Variants in ZNF695 observed in about 807,000 individuals in gnomAD.
ZNF695 encodes zinc finger protein SBZF3.
Under a neutral mutation model 11.2 loss-of-function variants are expected in ZNF695, and 11 were observed. The observed-to-expected ratio is 0.98, with a 90% confidence interval of 0.62 to 1.62. The LOEUF is 1.62. ZNF695 is among the 40% of genes most tolerant of loss of function. ZNF695 has a pLI of 0.00. For missense variants in ZNF695, 559 were observed against 590.5 expected, an observed-to-expected ratio of 0.95 and a Z score of 0.55; for synonymous variants, 190 against 201.4, an observed-to-expected ratio of 0.94 and a Z score of 0.48.
In ZNF695 at chr1:246,987,558, A is replaced by C. The variant is rs1668890767; in HGVS notation, c.957T>G (p.Ser319Arg). The change falls in exon 4 of 4, where the codon AGT becomes AGG. Residue 319 changes from serine to arginine, a missense_variant. Coordinates refer to ENST00000339986, the MANE Select transcript of ZNF695 (RefSeq NM_020394.5). Reference protein sequence around the residue: ...PYLTQHKRIHSREKPYKCEEC... With the variant: ...PYLTQHKRIHRREKPYKCEEC... The stretch of plus-strand genomic sequence containing the variant: ...CTTCACACTTGTAGGGTTTCTCTCT[A>C]CTATGAATTCTCTTGTGTTGAGTAA... The C allele has an allele frequency of 6.3e-7, 1 of 1,599,196 alleles. No individual in the cohort carries two copies. Among genetic ancestry groups the C allele is most frequent in the South Asian group, 1.1e-5 (1 of 88,476 alleles).
intron 3 of ZNF695, among the ~76,000 whole-genome samples, chr1:246,993,939 C>G (rs988121375): frequency 2.5e-4 from 38 of 150,886 alleles, no homozygotes; most frequent in African/African-American, 8.8e-4. Context: ...TTTGGGAGGC[C>G]AACGTGGGCG....
chr1:247,004,572 G>GT (rs1558322524), intron 1 of ZNF695, among the ~76,000 whole-genome samples: 2 of 152,258 alleles, frequency 1.3e-5, no homozygotes, highest in African/African-American at 4.8e-5. Flanking sequence ...ACTTAGTACT[G>GT]TAAGTCCTAA....
In ZNF695 at chr1:247,000,065, C is replaced by T. The variant is rs771036143; in HGVS notation, c.13G>A (p.Ala5Thr). MGLL[A>T]FRDVALEFSP... ...AATTCTAGAGCCACATCCCTGAATG[C>T]CAATAGTCCCTGAAAAAGAAAACAT... Residue 5 changes from alanine (A) to threonine (T), a missense_variant, in exon 2 of 4, where the codon GCA (alanine) becomes ACA (threonine). Ala to Thr is a moderately conservative substitution (Grantham distance 58). Coordinates refer to ENST00000339986, the MANE Select transcript of ZNF695 (RefSeq NM_020394.5). 7 of 1,601,564 alleles carry T rather than the reference C, an allele frequency of 4.4e-6. No individual in the cohort carries two copies. Among genetic ancestry groups the T allele is most frequent in the South Asian group, 3.4e-5 (3 of 88,804 alleles).
intron 3 of ZNF695, among the ~76,000 whole-genome samples, chr1:246,990,175 A>G (rs1162334952): frequency 1.5e-5 from 2 of 135,854 alleles, no homozygotes; most frequent in Admixed American, 8.1e-5. Context: ...AAGGAAGGAA[A>G]GAAAGGAAAG....
At chr1:246,959,733 G>C (rs1668116893) in intron 5 of ZNF695, among the ~76,000 whole-genome samples, 1 of 151,536 alleles carries the variant, frequency 6.6e-6, no homozygotes, top group Non-Finnish European at 1.5e-5. Context: ...GCCCAAAATG[G>C]GCATATTTTT....
downstream of ZNF695, among the ~76,000 whole-genome samples, chr1:246,982,836 C>T (rs1039008674): frequency 1.3e-5 from 2 of 152,056 alleles, no homozygotes; most frequent in Admixed American, 6.6e-5. Context: ...ACAACTCTTA[C>T]ATATTTTATG....
intron 5 of ZNF695, among the ~76,000 whole-genome samples, chr1:246,952,634 A>G (rs1667895282): frequency 6.7e-6 from 1 of 149,544 alleles, no homozygotes; most frequent in Admixed American, 6.7e-5. Context: ...GCAAGCTTGA[A>G]CTCCTGGGCT....
At chr1:246,952,430 A>C (rs1235680388) in intron 5 of ZNF695, among the ~76,000 whole-genome samples, 1 of 152,232 alleles carries the variant, frequency 6.6e-6, no homozygotes, top group East Asian at 1.9e-4. Context: ...AGGATATTAA[A>C]AACTGTAAGC....
At chr1:247,002,921 T>C (rs1669430786) in intron 1 of ZNF695, among the ~76,000 whole-genome samples, 1 of 152,146 alleles carries the variant, frequency 6.6e-6, no homozygotes, top group African/African-American at 2.4e-5. Flanking sequence ...ACAATGATGC[T>C]CTATTACACC....
chr1:246,982,225 G>A (rs527384217), downstream of ZNF695, among the ~76,000 whole-genome samples: 22 of 141,036 alleles, frequency 1.6e-4, no homozygotes, highest in African/African-American at 3.1e-4. Context: ...AGCCGAGATC[G>A]CGCCATTGCA....
At chr1:247,000,758 G>A (rs1026912628) in intron 1 of ZNF695, among the ~76,000 whole-genome samples, 1 of 152,218 alleles carries the variant, frequency 6.6e-6, no homozygotes, top group Non-Finnish European at 1.5e-5. Flanking sequence ...TAACAAGTAT[G>A]TCAGTGAAGT....
At chr1:246,952,450 A>G (rs1478234186) in intron 5 of ZNF695, among the ~76,000 whole-genome samples, 1 of 152,192 alleles carries the variant, frequency 6.6e-6, no homozygotes, top group Non-Finnish European at 1.5e-5. Flanking sequence ...CTTTCTATAA[A>G]GTTTTGTTCA....
chr1:247,000,147 T>A, intron 1 of ZNF695, 73 bp from the exon 2 acceptor site: 1 of 1,287,664 alleles, frequency 7.8e-7, no homozygotes, highest in Non-Finnish European at 1.1e-6. Flanking sequence ...GGAGAGACAG[T>A]GAAGAGAACT....
chr1:246,987,127 G>A lies in ZNF695; in HGVS notation c.1388C>T (p.Pro463Leu). Residue 463 changes from proline (P) to leucine (L), a missense_variant, in exon 4 of 4, where the codon CCC (proline) becomes CTC (leucine). Pro to Leu is a moderately conservative substitution (Grantham distance 98). Transcript: ENST00000339986. The stretch of plus-strand genomic sequence containing the variant: ...TTTGCCACATTCTTCACATTTGTAG[G>A]GTTTCTCTCCAGTATGAATTCTCTT... ...NHKRIHTGEK[P>L]YKCEECGKAF... The A allele has an allele frequency of 1.2e-6, 2 of 1,614,006 alleles. No individual in the cohort carries two copies. Among genetic ancestry groups the A allele is most frequent in the South Asian group, 1.1e-5 (1 of 91,082 alleles).
intron 3 of ZNF695, among the ~76,000 whole-genome samples, chr1:246,996,543 A>C (rs1248948541): frequency 6.6e-6 from 1 of 152,222 alleles, no homozygotes; most frequent in East Asian, 1.9e-4. Flanking sequence ...AAGAAAAATA[A>C]ATAAATAAAA....
chr1:246,987,301 T>C lies in ZNF695; in HGVS notation c.1214A>G (p.Gln405Arg), dbSNP rs1668879989. The change falls in exon 4 of 4, where the codon CAG becomes CGG. Residue 405 changes from glutamine (Q) to arginine (R), a missense_variant. Transcript: ENST00000339986. ...LIQHKRIHTGQKPYKCEECGK... is the reference protein window; with the variant it reads ...LIQHKRIHTGRKPYKCEECGK... Reference sequence around the variant, plus strand: ...ACATTCCTCACATTTGTAGGGTTTCTGCCCAGTATGAATTCTCTTATGCTG... The same window carrying C: ...ACATTCCTCACATTTGTAGGGTTTCCGCCCAGTATGAATTCTCTTATGCTG... 1 of 1,613,732 alleles carries C rather than the reference T, an allele frequency of 6.2e-7. No homozygotes were observed. Among genetic ancestry groups the C allele is most frequent in the African/African-American group, 1.3e-5 (1 of 74,774 alleles).
At chr1:246,973,431 T>C (rs1309470502) in intron 4 of ZNF695, among the ~76,000 whole-genome samples, 10 of 152,230 alleles carry the variant, frequency 6.6e-5, no homozygotes, top group Non-Finnish European at 1.3e-4. Flanking sequence ...TTATGTAAAG[T>C]AAAACCACTA....
Position 246,945,872 on chromosome 1 carries a change from C to T in ZNF695, c.489-45G>A, listed in dbSNP as rs951978796. On this transcript the variant is annotated intron_variant, in intron 5 of 5. Coordinates refer to the ZNF695 transcript ENST00000487338. ...AAAAGCAGCTTAAGGTTCCGAGTAG[C>T]TCCTTGGGATATGATTTATGCTGAG... is the stretch of plus-strand genomic sequence containing the variant. 13 of 1,548,694 alleles carry T rather than the reference C, an allele frequency of 8.4e-6. 1 individual carries two copies. Among genetic ancestry groups the T allele is most frequent in the Admixed American group, 5.9e-5 (3 of 50,948 alleles).
At chr1:246,952,440 CTTTCTA>C (rs1175351118) in intron 5 of ZNF695, among the ~76,000 whole-genome samples, 9 of 152,070 alleles carry the variant, frequency 5.9e-5, no homozygotes, top group Non-Finnish European at 1.3e-4. Context: ...AAACTGTAAG[CTTTCTA>C]TAAAGTTTTG....
Sources: allele counts gnomAD v4.1 joint callset (sites outside exome capture counted in the v4.1 genomes callset), GRCh38; gene constraint gnomAD v4.1.1; transcripts MANE v1.5; gene names NCBI Gene and HGNC (gene_info 2026-07-23, HGNC 2026-07-21).